The following MFN2 variants were observed in gnomAD, a reference collection of about 807,000 sequenced individuals.
The protein encoded by MFN2 is mitofusin-2.
Under a neutral mutation model 87.5 loss-of-function variants are expected in MFN2, and 43 were observed. The observed-to-expected ratio is 0.49, with a 90% CI of 0.38 to 0.63. The LOEUF (loss-of-function observed/expected upper bound fraction) is 0.63, where lower values mean the gene tolerates loss of function less well. Ranked by LOEUF, MFN2 falls within the 30% of genes least tolerant of loss-of-function variation. MFN2 has a pLI of 0.00. For synonymous variants in MFN2, 337 were observed against 359.9 expected (o/e 0.94, Z 0.72); for missense variants, 743 against 972.8 (o/e 0.76, Z 3.14).
At chr1:12,001,937 GCCCCTGGTGGCC>G in intron 10 of MFN2, 33 bp from the exon 11 acceptor site, 1 of 1,614,138 alleles carries the variant, frequency 6.2e-7, no homozygotes, top group Non-Finnish European at 8.5e-7. Flanking sequence ...TTGGTTGTAG[GCCCCTGGTGGCC>G]CCCACCTCCC....
intron 6 of MFN2, 138 bp from the exon 7 acceptor site, chr1:11,998,632 G>A: frequency 1.3e-6 from 1 of 798,154 alleles, no homozygotes; most frequent in South Asian, 1.4e-5. Context: ...CGTTAATGAG[G>A]GCCAGGCCTG....
In MFN2 at chr1:12,011,869, A is replaced by G. The variant is rs80118679; in HGVS notation, c.*304A>G. On this transcript the variant is annotated 3_prime_UTR_variant, in exon 19 of 19. Transcript: ENST00000235329. ...TTTCTCTGGTTCATTTGATTGCTTGATAAGGCCTCAGGATCTCAGCATTGC... is the reference window on the plus strand; with the variant it reads ...TTTCTCTGGTTCATTTGATTGCTTGGTAAGGCCTCAGGATCTCAGCATTGC... The G allele has an allele frequency of 3.1e-3, 1,496 of 486,308 alleles. 12 individuals carry two copies. The highest frequency in any genetic ancestry group is 0.027 in the African/African-American group (1,393 of 51,436). 30.1% of individuals were successfully genotyped at this position (486,308 alleles called of 1,614,324 possible).
intron 6 of MFN2, among the ~76,000 whole-genome samples, chr1:11,998,037 C>G (rs1355505898): frequency 2.0e-5 from 3 of 151,322 alleles, no homozygotes; most frequent in Non-Finnish European, 4.4e-5. Flanking sequence ...GTGCCCGCCA[C>G]CATGCCTGGC....
intron 4 of MFN2, among the ~76,000 whole-genome samples, chr1:11,993,667 C>T (rs565678364): frequency 2.7e-5 from 4 of 148,172 alleles, no homozygotes; most frequent in Admixed American, 6.8e-5. Context: ...CCCCAGGGGG[C>T]GGAGCCTGCA....
rs2273295 is a variant in MFN2 at position 12,006,756 on chromosome 1, T to C, written c.1872+63T>C. 83,345 of 1,603,590 alleles carry C rather than the reference T, an allele frequency of 0.052. 2,546 individuals are homozygous for C. Among genetic ancestry groups the C allele is most frequent in the East Asian group, 0.076 (3,404 of 44,802 alleles). ...GGGCAGGTGGGCGGGGCCTGAGGGC[T>C]AGGTTCCTGCTGTGGCCCCTGCATT... On this transcript the variant is annotated intron_variant, in intron 16 of 18. Transcript: ENST00000235329.
intron 4 of MFN2, 51 bp from the exon 5 acceptor site, chr1:11,996,105 A>G: frequency 6.2e-7 from 1 of 1,612,170 alleles, no homozygotes; most frequent in East Asian, 2.2e-5. Flanking sequence ...TTGTGAAAGT[A>G]ATTCAGGTCA....
intron 5 of MFN2, among the ~76,000 whole-genome samples, chr1:11,996,760 G>A (rs139238823): frequency 1.7e-4 from 26 of 152,258 alleles, no homozygotes; most frequent in African/African-American, 5.8e-4. Flanking sequence ...TCAATTGGTC[G>A]GGCACGGTGG....
At chr1:12,000,913 A>C (rs758929646) in intron 8 of MFN2, among the ~76,000 whole-genome samples, 5 of 152,124 alleles carry the variant, frequency 3.3e-5, no homozygotes, top group Non-Finnish European at 7.4e-5. Flanking sequence ...CTGCCAAGTA[A>C]CCCCCACACG....
chr1:11,996,083 C>T, intron 4 of MFN2, 73 bp from the exon 5 acceptor site: 1 of 1,600,222 alleles, frequency 6.2e-7, no homozygotes, highest in East Asian at 2.2e-5. Context: ...GCCTTCCAGG[C>T]TGGTATCTGC....
At chr1:11,984,644 A>G (rs1382256380) in intron 2 of MFN2, among the ~76,000 whole-genome samples, 1 of 152,044 alleles carries the variant, frequency 6.6e-6, no homozygotes, top group African/African-American at 2.4e-5. Context: ...CTTCCACCCT[A>G]ATCTTTCCCC....
Position 11,992,551 on chromosome 1 carries a change from C to T in MFN2, c.176-4C>T, listed in dbSNP as rs546254672. 11 of 1,614,064 alleles carry T rather than the reference C, an allele frequency of 6.8e-6. No homozygotes were observed. Among genetic ancestry groups the T allele is most frequent in the East Asian group, 6.7e-5 (3 of 44,892 alleles). On this transcript the variant is annotated splice_region_variant and splice_polypyrimidine_tract_variant and intron_variant, in intron 3 of 18. Transcript: ENST00000235329. ...GGTGACCCATTTTCAATCCCCACCTCCAGACACGTACAGGAATGCAGAACT... is the reference window on the plus strand; with the variant it reads ...GGTGACCCATTTTCAATCCCCACCTTCAGACACGTACAGGAATGCAGAACT...
At chr1:12,006,263 C>T (rs1639410696) in intron 15 of MFN2, among the ~76,000 whole-genome samples, 1 of 152,214 alleles carries the variant, frequency 6.6e-6, no homozygotes, top group Non-Finnish European at 1.5e-5. Flanking sequence ...CTCTAAACCA[C>T]TTGAGTTGTC....
chr1:12,007,203 C>T lies in MFN2; in HGVS notation c.2023C>T (p.Leu675Phe), dbSNP rs531748892. Residue 675 changes from leucine (L) to phenylalanine (F), a missense_variant, in exon 17 of 19, where the codon CTT (leucine) becomes TTT (phenylalanine). Transcript: ENST00000235329. Reference protein sequence around the residue: ...FVEHASEKLQLVISYTGSNCS... With the variant: ...FVEHASEKLQFVISYTGSNCS... ...GGAGCATGCCAGCGAGAAGCTGCAGCTTGTCATCAGCTACACTGGCTCCAA... is the reference window on the plus strand; with the variant it reads ...GGAGCATGCCAGCGAGAAGCTGCAGTTTGTCATCAGCTACACTGGCTCCAA... 1.2e-6 allele frequency: 2 copies of T among 1,614,158 alleles called. No homozygotes were observed. Among genetic ancestry groups the T allele is most frequent in the East Asian group, 2.2e-5 (1 of 44,888 alleles).
At chr1:12,007,313 T>TC (rs1162791634) in intron 17 of MFN2, 64 bp downstream of exon 17, 11 of 1,564,030 alleles carry the variant, frequency 7.0e-6, no homozygotes, top group Non-Finnish European at 9.6e-6. Flanking sequence ...CCATCTCCCT[T>TC]CCCCATCTCT....
chr1:11,990,928 G>GTA (rs1318795822), intron 3 of MFN2, among the ~76,000 whole-genome samples: 1 of 152,214 alleles, frequency 6.6e-6, no homozygotes, highest in Non-Finnish European at 1.5e-5. Context: ...GGCGCTGGCT[G>GTA]TGGGGGAAAT....
chr1:12,010,677 A>G (rs538314094), intron 18 of MFN2, among the ~76,000 whole-genome samples: 71 of 152,280 alleles, frequency 4.7e-4, no homozygotes, highest in African/African-American at 1.7e-3. Flanking sequence ...GGTTCTCTCC[A>G]GCCACTCATG....
chr1:11,980,997 A>G (rs1008824003), intron 1 of MFN2, among the ~76,000 whole-genome samples: 5 of 152,212 alleles, frequency 3.3e-5, no homozygotes, highest in Non-Finnish European at 7.3e-5. Flanking sequence ...GAAAATGTTG[A>G]ATAAATAGCT....
chr1:11,987,735 C>T (rs1189650060), intron 2 of MFN2, among the ~76,000 whole-genome samples: 1 of 151,894 alleles, frequency 6.6e-6, no homozygotes, highest in Non-Finnish European at 1.5e-5. Flanking sequence ...ATCATTGGAG[C>T]CCAAGAGTTT....
chr1:12,008,061 T>C (rs997367188), intron 17 of MFN2, among the ~76,000 whole-genome samples: 1 of 152,090 alleles, frequency 6.6e-6, no homozygotes, highest in Admixed American at 6.5e-5. Flanking sequence ...GAGCACCAGG[T>C]TGGGGGTAAG....
Sources: gnomAD v4.1 joint callset for allele counts (sites outside exome capture counted in the v4.1 genomes callset) on GRCh38, gnomAD v4.1.1 for gene constraint, MANE v1.5 for transcripts, NCBI Gene and HGNC (gene_info 2026-07-23, HGNC 2026-07-21) for gene names.